The following COL10A1 variants were observed in gnomAD, a reference collection of about 807,000 sequenced individuals.
The protein encoded by COL10A1 is collagen alpha-1(X) chain.
Under a neutral mutation model 18.2 loss-of-function variants are expected in COL10A1, and 10 were observed. The observed-to-expected ratio is 0.55, with a 90% confidence interval of 0.34 to 0.93. The LOEUF (loss-of-function observed/expected upper bound fraction) is 0.93, where lower values mean the gene tolerates loss of function less well. Among genes scored for constraint, COL10A1 ranks in the 40% least tolerant of loss-of-function variants. The probability of loss-of-function intolerance (pLI) is 0.02; values close to 1 mark genes in which losing one functional copy is unlikely to be tolerated. For missense variants in COL10A1, 897 were observed against 853.5 expected (o/e 1.05, Z -0.64); for synonymous variants, 330 against 316.6 (o/e 1.04, Z -0.45).
At chr6:116,145,126 A>G (rs1016229403) in intron 1 of COL10A1, among the ~76,000 whole-genome samples, 2 of 152,182 alleles carry the variant, frequency 1.3e-5, no homozygotes, top group African/African-American at 4.8e-5. Context: ...GTCTTGAAGC[A>G]TTATAATAGA....
upstream of COL10A1, among the ~76,000 whole-genome samples, chr6:116,128,337 C>G (rs1021905218): frequency 1.3e-5 from 2 of 152,114 alleles, no homozygotes; most frequent in African/African-American, 2.4e-5. Context: ...TATTTTCTAG[C>G]CACACCCCAC....
the COL10A1 span, among the ~76,000 whole-genome samples, chr6:116,211,306 G>T: frequency 6.6e-6 from 1 of 151,988 alleles, no homozygotes; most frequent in South Asian, 2.1e-4. Context: ...GCTGAGTTCA[G>T]TCAACCCTCA....
chr6:116,165,797 GC>G, the COL10A1 span, among the ~76,000 whole-genome samples: 3 of 152,212 alleles, frequency 2.0e-5, no homozygotes, highest in Non-Finnish European at 4.4e-5. Flanking sequence ...CCAGGGACCT[GC>G]TGGTCCCCTG....
chr6:116,209,540 C>T, the COL10A1 span, among the ~76,000 whole-genome samples: 1 of 151,900 alleles, frequency 6.6e-6, no homozygotes, highest in Non-Finnish European at 1.5e-5. Flanking sequence ...TGATGAATGC[C>T]ATCATTGATG....
At chr6:116,195,034 C>T in the COL10A1 span, among the ~76,000 whole-genome samples, 17 of 152,142 alleles carry the variant, frequency 1.1e-4, no homozygotes, top group East Asian at 1.4e-3. Context: ...CATACTCTAC[C>T]GCTCTCTCTA....
In COL10A1 at chr6:116,125,488, A is replaced by C; in HGVS notation, c.5T>G (p.Leu2Arg). 1 of 1,613,682 alleles carries C rather than the reference A, an allele frequency of 6.2e-7. No individual in the cohort carries two copies. Among genetic ancestry groups the C allele is most frequent in the Non-Finnish European group, 8.5e-7 (1 of 1,179,698 alleles). Reference protein sequence around the residue: MLPQIPFLLLVS... With the variant: MRPQIPFLLLVS... ...TAGCAGCAAAAAGGGTATTTGTGGC[A>C]GCATATTCTCAGATGGATTCTGAAA... The change falls in exon 2 of 3, where the codon CTG (leucine) becomes CGG (arginine). Residue 2 changes from leucine to arginine, a missense_variant. Coordinates refer to ENST00000651968, the MANE Select transcript of COL10A1 (RefSeq NM_000493.4).
chr6:116,166,553 T>G, the COL10A1 span, among the ~76,000 whole-genome samples: 2 of 152,118 alleles, frequency 1.3e-5, no homozygotes, highest in African/African-American at 4.8e-5. Flanking sequence ...CATCAGAGAG[T>G]GAGAAACTCC....
the COL10A1 span, among the ~76,000 whole-genome samples, chr6:116,198,249 A>G: frequency 2.0e-5 from 3 of 152,006 alleles, no homozygotes; most frequent in East Asian, 3.9e-4. Context: ...CATTCATTCA[A>G]AGCCACGTAA....
upstream of COL10A1, among the ~76,000 whole-genome samples, chr6:116,162,560 A>G (rs1280632290): frequency 6.6e-6 from 1 of 152,064 alleles, no homozygotes; most frequent in Non-Finnish European, 1.5e-5. Flanking sequence ...AATTCTGTTT[A>G]TGTGGTGAAT....
chr6:116,186,174 T>C, the COL10A1 span, among the ~76,000 whole-genome samples: 1 of 152,100 alleles, frequency 6.6e-6, no homozygotes, highest in East Asian at 1.9e-4. Context: ...AATTATTTTG[T>C]TTAAGGAGAA....
chr6:116,186,782 T>G, the COL10A1 span, among the ~76,000 whole-genome samples: 1 of 152,036 alleles, frequency 6.6e-6, no homozygotes, highest in Non-Finnish European at 1.5e-5. Flanking sequence ...TTCATTCGTA[T>G]CCTGTATCAT....
At chr6:116,139,427 C>T (rs1290341022) in intron 1 of COL10A1, among the ~76,000 whole-genome samples, 1 of 152,042 alleles carries the variant, frequency 6.6e-6, no homozygotes. Context: ...TTGAAATCCA[C>T]CTATTTGTAT....
intron 1 of COL10A1, among the ~76,000 whole-genome samples, chr6:116,132,730 C>G (rs1779501216): frequency 1.3e-5 from 2 of 152,260 alleles, no homozygotes; most frequent in Non-Finnish European, 2.9e-5. Context: ...TGTGTTCACC[C>G]CCTGTTCTGG....
intron 1 of COL10A1, among the ~76,000 whole-genome samples, chr6:116,151,281 A>G (rs1232311259): frequency 6.6e-6 from 1 of 152,226 alleles, no homozygotes; most frequent in Admixed American, 6.5e-5. Flanking sequence ...TGATGAGCAT[A>G]TCAGCCATCT....
At chr6:116,208,657 G>A in the COL10A1 span, among the ~76,000 whole-genome samples, 6 of 152,006 alleles carry the variant, frequency 3.9e-5, no homozygotes, top group Admixed American at 1.3e-4. Flanking sequence ...CATTCATGAG[G>A]AAAAATATTA....
the COL10A1 span, among the ~76,000 whole-genome samples, chr6:116,175,267 T>G: frequency 7.2e-5 from 11 of 152,312 alleles, no homozygotes; most frequent in African/African-American, 2.6e-4. Context: ...AAACTAATGA[T>G]CTGATTTCTG....
chr6:116,177,210 T>A, the COL10A1 span, among the ~76,000 whole-genome samples: 1 of 152,218 alleles, frequency 6.6e-6, no homozygotes, highest in African/African-American at 2.4e-5. Context: ...TACAAATAAT[T>A]AAGTTTAGTC....
chr6:116,186,367 T>G, the COL10A1 span, among the ~76,000 whole-genome samples: 1 of 151,824 alleles, frequency 6.6e-6, no homozygotes. Context: ...GTGATCTTTT[T>G]GCGATGAATT....
At position 116,120,094 on chromosome 6, in the gene COL10A1, T is replaced by C; in HGVS notation, c.2022A>G (p.Gly674=). The part of the protein sequence containing the change: ...SSEYVHSSFS[G]FLVAPM ...GTACTCACATTGGAGCCACTAGGAATCCTGAGAAAGAGGAGTGGACATACT... is the reference window on the plus strand; with the variant it reads ...GTACTCACATTGGAGCCACTAGGAACCCTGAGAAAGAGGAGTGGACATACT... Residue 674 remains glycine, a synonymous_variant, in exon 3 of 3, where the codon GGA becomes GGG. Transcript: ENST00000651968. 6.2e-7 allele frequency: 1 copy of C among 1,614,034 alleles called. No homozygotes were observed. The highest frequency in any genetic ancestry group is 8.5e-7 in the Non-Finnish European group (1 of 1,179,978).
Sources: gnomAD v4.1 joint callset for allele counts (sites outside exome capture counted in the v4.1 genomes callset) on GRCh38, gnomAD v4.1.1 for gene constraint, MANE v1.5 for transcripts, NCBI Gene and HGNC (gene_info 2026-07-23, HGNC 2026-07-21) for gene names.